The following ULK2 variants were observed in gnomAD, a reference collection of about 807,000 sequenced individuals.
ULK2 encodes serine/threonine-protein kinase ULK2.
In ULK2, 76 loss-of-function variants were observed where a neutral mutation model predicts 127.5. The observed-to-expected ratio is 0.60, with a 90% CI of 0.50 to 0.72. ULK2 has a LOEUF of 0.72. Ranked by LOEUF, ULK2 falls within the 30% of genes least tolerant of loss-of-function variation. The pLI is 0.00. For synonymous variants in ULK2, 452 were observed against 461.9 expected (o/e 0.98, Z 0.28); for missense variants, 1,144 against 1,295.9 (o/e 0.88, Z 1.80).
chr17:19,840,275 G>A, intron 9 of ULK2: 1 of 525,302 alleles, frequency 1.9e-6, no homozygotes, highest in Non-Finnish European at 3.9e-6. Context: ...ACCTGCTTCA[G>A]TACAACAACC....
chr17:19,865,989 A>C (rs1254756779), intron 1 of ULK2, among the ~76,000 whole-genome samples, 161 bp from the exon 2 acceptor site: 1 of 152,234 alleles, frequency 6.6e-6, no homozygotes. Context: ...TTATAGTGCA[A>C]TATGCCAAGA....
intron 9 of ULK2, 91 bp downstream of exon 9, chr17:19,841,391 AAAAGAAT>A: frequency 8.1e-7 from 1 of 1,240,042 alleles, no homozygotes. Context: ...TATCAACTGA[AAAAGAAT>A]TAAAAAATGA....
chr17:19,817,065 GA>G, intron 12 of ULK2, 145 bp from the exon 13 acceptor site: 1 of 652,918 alleles, frequency 1.5e-6, no homozygotes, highest in Non-Finnish European at 2.4e-6. Flanking sequence ...AATCTCTTTG[GA>G]AAAGCTTTCC....
At chr17:19,865,196 C>T (rs1008320973) in intron 2 of ULK2, among the ~76,000 whole-genome samples, 4 of 152,144 alleles carry the variant, frequency 2.6e-5, no homozygotes, top group Non-Finnish European at 5.9e-5. Flanking sequence ...TAGAATTTTT[C>T]AGACTTTCTT....
At chr17:19,788,965 C>T (rs1053855606) in intron 20 of ULK2, among the ~76,000 whole-genome samples, 2 of 152,166 alleles carry the variant, frequency 1.3e-5, no homozygotes, top group Admixed American at 1.3e-4. Context: ...TTATTCCAAC[C>T]CCTGACTCCT....
intron 12 of ULK2, among the ~76,000 whole-genome samples, chr17:19,824,646 T>C (rs192603938): frequency 4.7e-4 from 71 of 152,094 alleles, no homozygotes; most frequent in African/African-American, 1.7e-3. Context: ...GAAATCATGA[T>C]TAAGAGAATC....
chr17:19,798,367 T>TA (rs1321443722), intron 17 of ULK2, among the ~76,000 whole-genome samples: 1 of 152,144 alleles, frequency 6.6e-6, no homozygotes, highest in Non-Finnish European at 1.5e-5. Context: ...ATCAAGAGCC[T>TA]AAGAGATCCC....
At chr17:19,782,260 A>G (rs1314463247) in intron 22 of ULK2, among the ~76,000 whole-genome samples, 193 bp from the exon 23 acceptor site, 1 of 152,232 alleles carries the variant, frequency 6.6e-6, no homozygotes, top group Non-Finnish European at 1.5e-5. Flanking sequence ...ATATAGGTAT[A>G]TGCATGTGTT....
intron 19 of ULK2, 65 bp from the exon 20 acceptor site, chr17:19,795,790 AG>A (rs1437911593): frequency 1.4e-6 from 2 of 1,431,908 alleles, no homozygotes; most frequent in Non-Finnish European, 2.0e-6. Flanking sequence ...AAGGGTTAAT[AG>A]GAAGTTAGAG....
intron 16 of ULK2, among the ~76,000 whole-genome samples, chr17:19,800,600 C>A (rs563913592): frequency 2.6e-5 from 4 of 152,272 alleles, no homozygotes; most frequent in East Asian, 1.9e-4. Flanking sequence ...AAACTTCTTT[C>A]TTTTTCTTAA....
intron 14 of ULK2, among the ~76,000 whole-genome samples, chr17:19,806,739 C>A (rs1225347293): frequency 6.6e-6 from 1 of 152,184 alleles, no homozygotes; most frequent in Non-Finnish European, 1.5e-5. Flanking sequence ...CTGTGTATGT[C>A]CTGAGTCTCC....
chr17:19,846,734 T>C lies in ULK2; in HGVS notation c.469+3A>G, dbSNP rs376795074. 3.1e-6 allele frequency: 5 copies of C among 1,598,090 alleles called. No individual in the cohort carries two copies. The highest frequency in any genetic ancestry group is 4.3e-6 in the Non-Finnish European group (5 of 1,172,366). Reference sequence around the variant, plus strand: ...TTCCATGACACAATACATGGCCATTTACCTATTTTGATGCGAATACCACTG... The same window carrying C: ...TTCCATGACACAATACATGGCCATTCACCTATTTTGATGCGAATACCACTG... On this transcript the variant is annotated splice_donor_region_variant and intron_variant, in intron 6 of 26. Transcript: ENST00000395544.
chr17:19,801,749 A>G (rs888083165), intron 16 of ULK2, 28 bp downstream of exon 16: 1 of 1,607,414 alleles, frequency 6.2e-7, no homozygotes, highest in African/African-American at 1.3e-5. Context: ...AAAAAGGTTG[A>G]AAACAACTGT....
chr17:19,804,601 A>AT, intron 15 of ULK2, 92 bp downstream of exon 15: 1 of 1,400,974 alleles, frequency 7.1e-7, no homozygotes, highest in South Asian at 1.6e-5. Flanking sequence ...GTAAGACACT[A>AT]TGCCACAGAA....
chr17:19,824,970 A>C (rs1401176023), intron 12 of ULK2, 124 bp downstream of exon 12: 7 of 953,852 alleles, frequency 7.3e-6, no homozygotes, highest in South Asian at 5.1e-5. Flanking sequence ...CTTTCCCCCA[A>C]ATCTCAGCTA....
intron 1 of ULK2, 102 bp downstream of exon 1, chr17:19,867,226 T>C (rs2042371463): frequency 2.3e-6 from 2 of 886,510 alleles, no homozygotes; most frequent in Admixed American, 3.8e-5. Flanking sequence ...CCCGGGCGGC[T>C]AGCCGAGTCG....
chr17:19,842,719 T>G (rs1422808436), intron 8 of ULK2, among the ~76,000 whole-genome samples: 1 of 152,026 alleles, frequency 6.6e-6, no homozygotes. Flanking sequence ...TATAATTACC[T>G]CCCTCTCACC....
intron 26 of ULK2, 142 bp downstream of exon 26, chr17:19,777,439 C>T: frequency 1.1e-6 from 1 of 895,536 alleles, no homozygotes; most frequent in Non-Finnish European, 1.6e-6. Flanking sequence ...GCTGAGGCCA[C>T]ACAAAGGCTG....
At chr17:19,838,234 A>C (rs2041646299) in intron 10 of ULK2, among the ~76,000 whole-genome samples, 2 of 151,244 alleles carry the variant, frequency 1.3e-5, no homozygotes, top group African/African-American at 4.9e-5. Context: ...GCAACTTCTA[A>C]TATAATATAT....
Sources: gnomAD v4.1 joint callset for allele counts (sites outside exome capture counted in the v4.1 genomes callset) on GRCh38, gnomAD v4.1.1 for gene constraint, MANE v1.5 for transcripts, NCBI Gene and HGNC (gene_info 2026-07-23, HGNC 2026-07-21) for gene names.